Variants in LRIG2 observed in about 807,000 individuals in gnomAD.
LRIG2 encodes the protein leucine-rich repeats and immunoglobulin-like domains protein 2.
Under a neutral mutation model 107.8 loss-of-function variants are expected in LRIG2, and 93 were observed. The observed-to-expected ratio is 0.86, with a 90% CI of 0.73 to 1.03. The LOEUF is 1.03. LRIG2 is among the 50% of genes least tolerant of loss of function. The pLI is 0.00. For synonymous variants in LRIG2, 471 were observed against 470.6 expected, an observed-to-expected ratio of 1.00 and a Z score of -0.01; for missense variants, 1,226 against 1,296.0, an observed-to-expected ratio of 0.95 and a Z score of 0.83.
chr1:113,082,862 G>A (rs1377804308), intron 1 of LRIG2, among the ~76,000 whole-genome samples: 2 of 152,002 alleles, frequency 1.3e-5, no homozygotes, highest in Non-Finnish European at 2.9e-5. Flanking sequence ...TGCCATGTTG[G>A]CCAGACTGGT....
chr1:113,096,464 T>C, intron 8 of LRIG2, 99 bp downstream of exon 8: 1 of 1,285,592 alleles, frequency 7.8e-7, no homozygotes, highest in Non-Finnish European at 1.1e-6. Flanking sequence ...AAATTCTGTA[T>C]GCTAACATTT....
chr1:113,108,167 G>A (rs904332825), intron 12 of LRIG2, among the ~76,000 whole-genome samples: 2 of 151,766 alleles, frequency 1.3e-5, no homozygotes, highest in Non-Finnish European at 2.9e-5. Flanking sequence ...TTCCTTGAGG[G>A]GAGAGAGATA....
chr1:113,073,366 G>C lies in LRIG2; in HGVS notation c.-41G>C. The C allele has an allele frequency of 6.6e-7, 1 of 1,518,968 alleles. No homozygotes were observed. The highest frequency in any genetic ancestry group is 1.7e-5 in the Admixed American group (1 of 57,820). The allele number at this position is 1,518,968 out of a possible 1,614,324, so 94.1% of individuals were successfully genotyped here. ...CTTCTCCGCCGATCCTCCTTTTCTA[G>C]CAGGCAGCTCTTCTAGGCCACGTCC... is the stretch of plus-strand genomic sequence containing the variant. On this transcript the variant is annotated 5_prime_UTR_variant, in exon 1 of 18. Coordinates refer to ENST00000361127, the MANE Select transcript of LRIG2 (RefSeq NM_014813.3).
intron 8 of LRIG2, 137 bp from the exon 9 acceptor site, chr1:113,098,568 G>C: frequency 3.3e-6 from 2 of 613,054 alleles, no homozygotes; most frequent in Non-Finnish European, 5.9e-6. Context: ...GCAGAGTTGA[G>C]CCTTCATCAT....
At chr1:113,118,662 G>GTTTCTGCTCCTC in intron 16 of LRIG2, among the ~76,000 whole-genome samples, 1 of 151,986 alleles carries the variant, frequency 6.6e-6, no homozygotes, top group East Asian at 1.9e-4. Flanking sequence ...CTGGCAGTAT[G>GTTTCTGCTCCTC]ACTTTGTTTT....
In LRIG2 at chr1:113,126,924, C is replaced by T. The variant is rs1655504899; in HGVS notation, c.*2823C>T. ...ATCCGACTTCTGCACTGGGCCACAT[C>T]CATCTTCTTCATTGTCAGAATCTGA... On this transcript the variant is annotated 3_prime_UTR_variant, in exon 18 of 18. Transcript: ENST00000361127. The T allele has an allele frequency of 6.4e-6, 1 of 155,938 alleles. No homozygotes were observed. Among genetic ancestry groups the T allele is most frequent in the Admixed American group, 6.5e-5 (1 of 15,284 alleles). The allele number at this position is 155,938 out of a possible 1,614,324, so 9.7% of individuals were successfully genotyped here. A position where few individuals can be genotyped will look rare whatever the true frequency, so the allele number is the denominator to read the frequency against.
chr1:113,111,821 T>G (rs1336333475), intron 13 of LRIG2, among the ~76,000 whole-genome samples: 3 of 152,252 alleles, frequency 2.0e-5, no homozygotes, highest in African/African-American at 7.2e-5. Flanking sequence ...TTTGGGAACA[T>G]TTTTGAGATG....
At chr1:113,074,362 A>C (rs1325273533) in intron 1 of LRIG2, among the ~76,000 whole-genome samples, 13 of 152,186 alleles carry the variant, frequency 8.5e-5, no homozygotes, top group Admixed American at 8.5e-4. Context: ...TTATTTATGT[A>C]GGTAAAGCAG....
Position 113,110,442 on chromosome 1 carries a change from GA to G in LRIG2, c.1680del (p.Glu560AspfsTer11). On this transcript the variant is annotated frameshift_variant, in exon 13 of 18. Coordinates refer to ENST00000361127, the MANE Select transcript of LRIG2 (RefSeq NM_014813.3). LOFTEE classifies it high-confidence loss of function. The part of the protein sequence containing the change: ...RYWQQAGEAL[E>X]YTSILHLFNV... Reference sequence around the variant, plus strand: ...TTGGCAGCAAGCTGGAGAAGCTCTGGAATATACTAGTATCTTACATCTTTTC... The same window carrying G: ...TTGGCAGCAAGCTGGAGAAGCTCTGGATATACTAGTATCTTACATCTTTTC... The G allele has an allele frequency of 6.2e-7, 1 of 1,613,924 alleles. No individual in the cohort carries two copies. The highest frequency in any genetic ancestry group is 8.5e-7 in the Non-Finnish European group (1 of 1,179,792).
At position 113,073,549 on chromosome 1, in the gene LRIG2, C is replaced by T. The variant is rs151308114; in HGVS notation, c.143C>T (p.Ser48Phe). Residue 48 changes from serine to phenylalanine, a missense_variant, in exon 1 of 18, where the codon TCC (serine) becomes TTC (phenylalanine). Coordinates refer to ENST00000361127, the MANE Select transcript of LRIG2 (RefSeq NM_014813.3). The part of the protein sequence containing the change: ...AGAGLCPAPC[S>F]CRIPLLDCSR... ...GCAGGTCTCTGCCCCGCGCCCTGCT[C>T]CTGCCGCATTCCTCTCCTGGACTGC... 7.6e-5 allele frequency: 123 copies of T among 1,614,042 alleles called. No homozygotes were observed. Among genetic ancestry groups the T allele is most frequent in the Non-Finnish European group, 1.0e-4 (121 of 1,180,038 alleles).
In LRIG2 at chr1:113,100,418, A is replaced by C. The variant is rs1252801631; in HGVS notation, c.1245-2A>C. The C allele has an allele frequency of 1.6e-5, 24 of 1,522,100 alleles. No individual in the cohort carries two copies. Among genetic ancestry groups the C allele is most frequent in the Non-Finnish European group, 2.2e-5 (24 of 1,101,636 alleles). 94.3% of individuals were successfully genotyped at this position (1,522,100 alleles called of 1,614,324 possible). A position where few individuals can be genotyped will look rare whatever the true frequency, so the allele number is the denominator to read the frequency against. ...ATAATGTTTCATTTCTCTTTATTTC[A>C]GAGATTTGAACAATAATGCTATAAT... On this transcript the variant is annotated splice_acceptor_variant, in intron 10 of 17. Transcript: ENST00000361127. LOFTEE classifies it high-confidence loss of function.
chr1:113,091,610 T>C (rs1653829532), intron 2 of LRIG2, among the ~76,000 whole-genome samples: 1 of 152,248 alleles, frequency 6.6e-6, no homozygotes, highest in Non-Finnish European at 1.5e-5. Context: ...GGAAATATTC[T>C]ACCTTCCTGG....
rs1654598382 is a variant in LRIG2 at position 113,107,723 on chromosome 1, C to G, written c.1443C>G (p.Ser481Arg). ...ACCCTGAATGGCTAGCAGGGCAAAG[C>G]ATCCTGAATGTGGATCTGAAAGATT... ...CAHPEWLAGQ[S>R]ILNVDLKDFV... The change falls in exon 12 of 18, where the codon AGC becomes AGG. Residue 481 changes from serine (S) to arginine (R), a missense_variant. By Grantham distance (110) the Ser-to-Arg change is moderately radical (BLOSUM62 -1). This residue lies in a region of LRIG2 where 14 missense variants were observed against 33.6 expected (regional missense o/e 0.42). Transcript: ENST00000361127. 2 of 1,613,126 alleles carry G rather than the reference C, an allele frequency of 1.2e-6. No individual in the cohort carries two copies. The highest frequency in any genetic ancestry group is 1.3e-5 in the African/African-American group (1 of 74,960).
intron 12 of LRIG2, among the ~76,000 whole-genome samples, chr1:113,108,262 C>T (rs1654621390): frequency 6.7e-6 from 1 of 148,998 alleles, no homozygotes; most frequent in African/African-American, 2.5e-5. Flanking sequence ...CTTGCTGCGT[C>T]ACCCAGGCTG....
Position 113,112,677 on chromosome 1 carries a change from A to C in LRIG2, c.1997A>C (p.Lys666Thr). Residue 666 changes from lysine to threonine, a missense_variant, in exon 14 of 18, where the codon AAA becomes ACA. Around this residue, in one of 3 missense-constraint regions of LRIG2, gnomAD observed 642 missense variants for 712.2 expected, o/e 0.90. Transcript: ENST00000361127. The stretch of plus-strand genomic sequence containing the variant: ...GACGTCTTCTTTATTGCCAATGTGA[A>C]AATAGAAGATATGGGAATCTATAGC... ...EDDVFFIANV[K>T]IEDMGIYSCM... 1 of 1,614,086 alleles carries C rather than the reference A, an allele frequency of 6.2e-7. No homozygotes were observed. The highest frequency in any genetic ancestry group is 8.5e-7 in the Non-Finnish European group (1 of 1,179,970).
intron 11 of LRIG2, chr1:113,100,717 C>T (rs1654270940): frequency 5.2e-6 from 2 of 385,440 alleles, no homozygotes; most frequent in Middle Eastern, 7.7e-4. Flanking sequence ...CCTGTTCTAC[C>T]AATGCTTATA....
Position 113,130,491 on chromosome 1 carries a change from A to G in LRIG2, c.*6390A>G, listed in dbSNP as rs551197731. Reference sequence around the variant, plus strand: ...AGGGAGGTGTATTATATACTTGCTAATAAATTTTTGTGTAGGCTCTTTAGT... The same window carrying G: ...AGGGAGGTGTATTATATACTTGCTAGTAAATTTTTGTGTAGGCTCTTTAGT... On this transcript the variant is annotated 3_prime_UTR_variant, in exon 18 of 18. Coordinates refer to ENST00000361127, the MANE Select transcript of LRIG2 (RefSeq NM_014813.3). 8 of 152,370 alleles carry G rather than the reference A, an allele frequency of 5.3e-5. 1 individual carries two copies. The highest frequency in any genetic ancestry group is 1.9e-4 in the African/African-American group (8 of 41,590). The allele number at this position is 152,370 out of a possible 1,614,324, so 9.4% of individuals were successfully genotyped here.
chr1:113,073,910 A>G (rs1328523976), intron 1 of LRIG2, among the ~76,000 whole-genome samples: 3 of 144,092 alleles, frequency 2.1e-5, no homozygotes, highest in African/African-American at 5.2e-5. Flanking sequence ...TGGGGAGGAA[A>G]TGGGGCGGGC....
At chr1:113,113,628 T>C (rs1367787906) in intron 14 of LRIG2, among the ~76,000 whole-genome samples, 1 of 151,780 alleles carries the variant, frequency 6.6e-6, no homozygotes, top group African/African-American at 2.4e-5. Context: ...AGTGGCGCAA[T>C]CTCGGCTCAG....
Sources: gnomAD v4.1 joint callset for allele counts (sites outside exome capture counted in the v4.1 genomes callset) on GRCh38, gnomAD v4.1.1 for gene constraint, gnomAD v4.1.1 regional missense constraint, MANE v1.5 for transcripts, NCBI Gene and HGNC (gene_info 2026-07-23, HGNC 2026-07-21) for gene names.